Variants in AOC1 observed in about 807,000 individuals in gnomAD.
AOC1 encodes the protein amine oxidase copper containing 1.
AOC1 carries 58 observed loss-of-function variants against 57.1 expected under a neutral mutation model. That is an observed-to-expected ratio of 1.02 (90% CI 0.82 to 1.26). AOC1 has a LOEUF of 1.26. AOC1 is among the 50% of genes most tolerant of loss of function. The pLI, the probability that AOC1 is intolerant of heterozygous loss-of-function variation, is 0.00. For missense variants in AOC1, 917 were observed against 1,005.3 expected, an observed-to-expected ratio of 0.91 and a Z score of 1.19; for synonymous variants, 401 against 423.4, an observed-to-expected ratio of 0.95 and a Z score of 0.65.
In AOC1 at chr7:150,856,464, G is replaced by A. The variant is rs996883789; in HGVS notation, c.-7G>A. On this transcript the variant is annotated 5_prime_UTR_variant, in exon 2 of 5. Transcript: ENST00000360937. This position sits in a 1 kb window ranked among gnomAD's most constrained non-coding sequence, Gnocchi z 5.2. ...CTCTATTGCATTCCAGAGCCGTGGA[G>A]CGAGAGATGCCGGCCCTGGGCTGGG... 1.9e-6 allele frequency: 3 copies of A among 1,609,672 alleles called. No individual in the cohort carries two copies. Among genetic ancestry groups the A allele is most frequent in the Non-Finnish European group, 2.5e-6 (3 of 1,178,404 alleles).
chr7:150,853,302 G>T (rs1799672596), intron 1 of AOC1, among the ~76,000 whole-genome samples: 1 of 152,158 alleles, frequency 6.6e-6, no homozygotes, highest in African/African-American at 2.4e-5. Context: ...AGCCACAAAT[G>T]TATGGCTCTG....
Position 150,861,136 on chromosome 7 carries a change from G to T in AOC1, c.2183G>T (p.Arg728Leu). ...PRDNGPNYVQ[R>L]WIPEDRDCSM... is the part of the protein sequence containing the mutation. ...GACAACGGCCCCAACTACGTCCAGC[G>T]CTGGATCCCTGAGGACAGGGACTGC... is the stretch of plus-strand genomic sequence containing the variant. Residue 728 changes from arginine to leucine, a missense_variant, in exon 5 of 5, where the codon CGC (arginine) becomes CTC (leucine). Coordinates refer to ENST00000360937, the MANE Select transcript of AOC1 (RefSeq NM_001091.4). This position sits in a 1 kb window ranked among gnomAD's most constrained non-coding sequence, Gnocchi z 4.5. The T allele has an allele frequency of 6.2e-7, 1 of 1,614,072 alleles. No individual in the cohort carries two copies. The highest frequency in any genetic ancestry group is 8.5e-7 in the Non-Finnish European group (1 of 1,179,938).
Position 150,856,182 on chromosome 7 carries a change from A to G in AOC1, c.-16-273A>G, listed in dbSNP as rs1425689070. On this transcript the variant is annotated intron_variant, in intron 1 of 4. Coordinates refer to ENST00000360937, the MANE Select transcript of AOC1 (RefSeq NM_001091.4). The surrounding 1 kb of genome is among the most constrained non-coding windows in gnomAD (Gnocchi z 5.2). The stretch of plus-strand genomic sequence containing the variant: ...CCTGGCTGAGATAATACACAAAAAC[A>G]AGGGTGTTCCCCTGAGTAAGGAAGG... Among the ~76,000 whole-genome samples the G allele has an allele frequency of 1.3e-5, 2 of 152,190 alleles. No individual in the cohort carries two copies. Among genetic ancestry groups the G allele is most frequent in the African/African-American group, 4.8e-5 (2 of 41,448 alleles).
At position 150,860,548 on chromosome 7, in the gene AOC1, G is replaced by C. The variant is rs1394601487; in HGVS notation, c.1904G>C (p.Ser635Thr). The C allele has an allele frequency of 4.3e-6, 7 of 1,614,088 alleles. No individual in the cohort carries two copies. The highest frequency in any genetic ancestry group is 5.9e-6 in the Non-Finnish European group (7 of 1,179,960). The change falls in exon 4 of 5, where the codon AGC becomes ACC. Residue 635 changes from serine (S) to threonine (T), a missense_variant. Physicochemically the swap from Ser to Thr is moderately conservative, Grantham distance 58. Transcript: ENST00000360937. Reference protein sequence around the residue: ...TKYRESELCSSSIYHQNDPWH... With the variant: ...TKYRESELCSTSIYHQNDPWH... ...TACCGGGAGTCGGAGCTGTGCAGCA[G>C]CAGCATCTACCACCAGAACGACCCC...
chr7:150,860,357 CTG>C, intron 3 of AOC1, 142 bp from the exon 4 acceptor site: 1 of 1,447,936 alleles, frequency 6.9e-7, no homozygotes, highest in South Asian at 1.3e-5. Context: ...GCAGCCCGTC[CTG>C]CTGACTCCCA....
intron 3 of AOC1, chr7:150,859,740 A>G (rs980308477): frequency 4.5e-5 from 7 of 153,914 alleles, no homozygotes; most frequent in African/African-American, 9.7e-5. Flanking sequence ...AAAAGAAAAT[A>G]TATCTACAAT....
Position 150,857,940 on chromosome 7 carries a change from C to A in AOC1, c.1470C>A (p.Tyr490Ter), listed in dbSNP as rs1393151965. The A allele has an allele frequency of 6.2e-7, 1 of 1,610,588 alleles. No homozygotes were observed. Reference sequence around the variant, plus strand: ...CTGGCTACGTCCACGCCACCTTCTACACCCCCGAGGGGCTGCGCCACGGCA... The same window carrying A: ...CTGGCTACGTCCACGCCACCTTCTAAACCCCCGAGGGGCTGCGCCACGGCA... The part of the protein sequence containing the change: ...HATGYVHATF[Y>*]TPEGLRHGTR... The change falls in exon 2 of 5, where the codon TAC becomes TAA. Residue 490 changes from tyrosine to a stop codon, truncating the protein, a stop_gained. Transcript: ENST00000360937. LOFTEE classifies it high-confidence loss of function. This position sits in a 1 kb window ranked among gnomAD's most constrained non-coding sequence, Gnocchi z 6.6.
intron 3 of AOC1, 62 bp from the exon 4 acceptor site, chr7:150,860,439 G>C: frequency 6.2e-7 from 1 of 1,610,620 alleles, no homozygotes. Context: ...CTGTTCCCTG[G>C]GCAGGACTGA....
chr7:150,853,695 A>T (rs7787074), intron 1 of AOC1, among the ~76,000 whole-genome samples: 34,394 of 84,182 alleles, frequency 0.41, 4,717 homozygotes, highest in African/African-American at 0.45. Flanking sequence ...ATATATATAT[A>T]TATTTATTTA....
chr7:150,852,167 C>T (rs184934147), upstream of AOC1: 245 of 152,538 alleles, frequency 1.6e-3, 4 homozygotes, highest in Non-Finnish European at 1.0e-3. The surrounding 1 kb of genome is among the most constrained non-coding windows in gnomAD (Gnocchi z 4.6). Flanking sequence ...TCAGCCCCTG[C>T]CCTGGTCCAT....
Position 150,857,540 on chromosome 7 carries a change from C to T in AOC1, c.1070C>T (p.Ala357Val), listed in dbSNP as rs748363277. 58 of 1,613,866 alleles carry T rather than the reference C, an allele frequency of 3.6e-5. No individual in the cohort carries two copies. The highest frequency in any genetic ancestry group is 4.4e-5 in the Non-Finnish European group (52 of 1,180,006). The change falls in exon 2 of 5, where the codon GCG becomes GTG. Residue 357 changes from alanine (A) to valine (V), a missense_variant. Coordinates refer to ENST00000360937, the MANE Select transcript of AOC1 (RefSeq NM_001091.4). The surrounding 1 kb of genome is among the most constrained non-coding windows in gnomAD (Gnocchi z 6.6). ...GAGGTCAGCGTGCAAGAGGCAGTGG[C>T]GCTGTATGGAGGACACACACCTGCA... is the stretch of plus-strand genomic sequence containing the variant. The part of the protein sequence containing the change: ...AYEVSVQEAV[A>V]LYGGHTPAGM...
intron 3 of AOC1, among the ~76,000 whole-genome samples, chr7:150,859,380 T>C (rs184061768): frequency 6.6e-6 from 1 of 152,176 alleles, no homozygotes; most frequent in East Asian, 1.9e-4. Context: ...GTTCTTACAA[T>C]AAAGTAAGCT....
chr7:150,853,695 A>ATATATATATT (rs1244012491), intron 1 of AOC1, among the ~76,000 whole-genome samples: 18 of 84,296 alleles, frequency 2.1e-4, no homozygotes, highest in Non-Finnish European at 3.1e-4. Context: ...ATATATATAT[A>ATATATATATT]TATTTATTTA....
rs1443545167 is a variant in AOC1, at chr7:150,857,949, G to A, written c.1479G>A (p.Glu493=). The change falls in exon 2 of 5, where the codon GAG becomes GAA. Residue 493 remains glutamate, a synonymous_variant. Coordinates refer to ENST00000360937, the MANE Select transcript of AOC1 (RefSeq NM_001091.4). The surrounding 1 kb of genome is among the most constrained non-coding windows in gnomAD (Gnocchi z 6.6). ...GYVHATFYTP[E]GLRHGTRLHT... is the part of the protein sequence containing the mutation. The stretch of plus-strand genomic sequence containing the variant: ...TCCACGCCACCTTCTACACCCCCGA[G>A]GGGCTGCGCCACGGCACTCGCCTGC... 2 of 1,607,822 alleles carry A rather than the reference G, an allele frequency of 1.2e-6. No homozygotes were observed. Among genetic ancestry groups the A allele is most frequent in the Non-Finnish European group, 1.7e-6 (2 of 1,178,650 alleles).
rs368330728 is a variant in AOC1, at chr7:150,860,962, C to A, written c.2009C>A (p.Thr670Lys). 5 of 1,612,954 alleles carry A rather than the reference C, an allele frequency of 3.1e-6. No individual in the cohort carries two copies. Among genetic ancestry groups the A allele is most frequent in the Non-Finnish European group, 4.2e-6 (5 of 1,179,750 alleles). The part of the protein sequence containing the change: ...IENEDLVAWV[T>K]VGFLHIPHSE... ...CTGCAGGACCTGGTGGCCTGGGTGA[C>A]GGTGGGCTTCCTGCACATCCCCCAC... The change falls in exon 5 of 5, where the codon ACG becomes AAG. Residue 670 changes from threonine (T) to lysine (K), a missense_variant. Transcript: ENST00000360937.
intron 1 of AOC1, among the ~76,000 whole-genome samples, chr7:150,853,661 C>CTATATATATATATATATATATA (rs201712777): frequency 3.2e-5 from 2 of 62,798 alleles, no homozygotes; most frequent in Non-Finnish European, 5.6e-5. Flanking sequence ...GAGATCCTGA[C>CTATATATATATATATATATATA]TATATATATA....
In AOC1 at chr7:150,857,747, C is replaced by T; in HGVS notation, c.1277C>T (p.Pro426Leu). ...CTCTTTGAAATGCCCACAGGGGTGC[C>T]CCTTCGGCGGCACTTTAATTCCAAC... is the stretch of plus-strand genomic sequence containing the variant. ...LCLFEMPTGV[P>L]LRRHFNSNFK... The change falls in exon 2 of 5, where the codon CCC (proline) becomes CTC (leucine). Residue 426 changes from proline to leucine, a missense_variant. Coordinates refer to ENST00000360937, the MANE Select transcript of AOC1 (RefSeq NM_001091.4). This position sits in a 1 kb window ranked among gnomAD's most constrained non-coding sequence, Gnocchi z 6.6. 3 of 1,614,176 alleles carry T rather than the reference C, an allele frequency of 1.9e-6. No individual in the cohort carries two copies. The highest frequency in any genetic ancestry group is 2.5e-6 in the Non-Finnish European group (3 of 1,179,990).
At chr7:150,858,347 T>C (rs1269141048) in intron 2 of AOC1, among the ~76,000 whole-genome samples, 2 of 151,582 alleles carry the variant, frequency 1.3e-5, no homozygotes, top group Non-Finnish European at 2.9e-5. Context: ...TGAGATGGAG[T>C]GTAGTATTGT....
At position 150,860,634 on chromosome 7, in the gene AOC1, G is replaced by A; in HGVS notation, c.1989+1G>A. On this transcript the variant is annotated splice_donor_variant, in intron 4 of 4. Coordinates refer to ENST00000360937, the MANE Select transcript of AOC1 (RefSeq NM_001091.4). LOFTEE classifies it high-confidence loss of function. ...CAACAACGAGAACATTGAAAATGAG[G>A]TACTGCCCTGTCCCCAGCCCTGCCC... 4 of 1,613,668 alleles carry A rather than the reference G, an allele frequency of 2.5e-6. No homozygotes were observed. The highest frequency in any genetic ancestry group is 1.1e-5 in the South Asian group (1 of 91,046).
Sources: gnomAD v4.1 joint callset for allele counts (sites outside exome capture counted in the v4.1 genomes callset) on GRCh38, gnomAD v4.1.1 for gene constraint, Gnocchi (gnomAD v3.1) non-coding constraint, MANE v1.5 for transcripts, NCBI Gene and HGNC (gene_info 2026-07-23, HGNC 2026-07-21) for gene names.